DLG2: variants seen among roughly 807,000 people sequenced by gnomAD.
DLG2 encodes disks large homolog 2.
A neutral mutation model predicts 132.5 loss-of-function variants in DLG2; 45 were observed. The ratio of observed to expected loss-of-function variants is 0.34; its 90% CI spans 0.27 to 0.44. The LOEUF is 0.44. Among genes scored for constraint, DLG2 ranks in the 20% least tolerant of loss-of-function variants. The pLI is 1.00. For synonymous variants in DLG2, 424 were observed against 419.6 expected (o/e 1.01, Z -0.13); for missense variants, 1,045 against 1,196.9 (o/e 0.87, Z 1.87).
chr11:84,313,203 C>T (rs116552792), intron 7 of DLG2, among the ~76,000 whole-genome samples: 3,249 of 152,074 alleles, frequency 0.021, 63 homozygotes, highest in East Asian at 0.065. Flanking sequence ...GCAACCTCCA[C>T]TTCCTAAGTT....
At chr11:85,201,515 C>T (rs1463712893) in intron 4 of DLG2, among the ~76,000 whole-genome samples, 18 of 152,096 alleles carry the variant, frequency 1.2e-4, no homozygotes, top group South Asian at 6.2e-4. Flanking sequence ...TCAAAGCCCA[C>T]GCAAGACACA....
intron 6 of DLG2, among the ~76,000 whole-genome samples, chr11:84,635,006 CG>C (rs2099638253): frequency 1.3e-5 from 2 of 152,146 alleles, no homozygotes; most frequent in Non-Finnish European, 2.9e-5. Context: ...TAATTCAATC[CG>C]CTGGAGGAGA....
chr11:83,597,126 A>G (rs531660139), intron 19 of DLG2, among the ~76,000 whole-genome samples: 1 of 152,342 alleles, frequency 6.6e-6, no homozygotes, highest in East Asian at 1.9e-4. Flanking sequence ...TATCTATAAA[A>G]TAGGGATGGA....
chr11:84,832,844 T>C (rs940210854), intron 6 of DLG2, among the ~76,000 whole-genome samples: 6 of 151,552 alleles, frequency 4.0e-5, no homozygotes, highest in African/African-American at 7.3e-5. Context: ...ATTATATCCG[T>C]GGCATTTAAC....
chr11:84,190,969 G>A (rs999106372), intron 8 of DLG2, among the ~76,000 whole-genome samples: 9 of 152,168 alleles, frequency 5.9e-5, no homozygotes, highest in South Asian at 4.1e-4. Flanking sequence ...CATTAAGTAT[G>A]TACTGACCAA....
At chr11:83,637,206 C>G (rs147126966) in intron 18 of DLG2, among the ~76,000 whole-genome samples, 322 of 152,280 alleles carry the variant, frequency 2.1e-3, no homozygotes, top group African/African-American at 7.5e-3. Context: ...CCTAACACTA[C>G]CATATCCATT....
intron 2 of DLG2, among the ~76,000 whole-genome samples, chr11:85,617,908 C>A (rs2081448438): frequency 6.6e-6 from 1 of 152,150 alleles, no homozygotes; most frequent in Admixed American, 6.5e-5. Context: ...AAATCTTACC[C>A]ATAATCTTTG....
chr11:85,451,950 A>G (rs796391648), intron 3 of DLG2, among the ~76,000 whole-genome samples: 1 of 152,144 alleles, frequency 6.6e-6, no homozygotes. Context: ...AGGCTTTTGC[A>G]TGTTGAGTAG....
At chr11:84,972,324 G>A (rs948198063) in intron 6 of DLG2, among the ~76,000 whole-genome samples, 1 of 152,078 alleles carries the variant, frequency 6.6e-6, no homozygotes, top group African/African-American at 2.4e-5. Flanking sequence ...AAAAAAAACT[G>A]AGTCTTTTAA....
At chr11:83,704,759 G>A (rs1315083656) in intron 18 of DLG2, among the ~76,000 whole-genome samples, 5 of 152,006 alleles carry the variant, frequency 3.3e-5, no homozygotes, top group Admixed American at 2.0e-4. Context: ...CCTGGAAGGC[G>A]GAGGTGGCAG....
At chr11:84,915,262 TCCC>T (rs34293236) in intron 6 of DLG2, among the ~76,000 whole-genome samples, 3,506 of 151,510 alleles carry the variant, frequency 0.023, 99 homozygotes, top group African/African-American at 0.07. Context: ...GAATTGTATT[TCCC>T]CCCCCATTAT....
chr11:84,473,804 G>A (rs950864117), intron 7 of DLG2, among the ~76,000 whole-genome samples: 5 of 151,904 alleles, frequency 3.3e-5, no homozygotes, highest in African/African-American at 7.2e-5. Context: ...CTGGAAACAC[G>A]GAATTAACAT....
At chr11:83,511,073 A>AACACACACACACAGAC (rs1029607127) in intron 21 of DLG2, among the ~76,000 whole-genome samples, 2 of 88,410 alleles carry the variant, frequency 2.3e-5, no homozygotes, top group Admixed American at 1.0e-4. Context: ...CACTTGCTCA[A>AACACACACACACAGAC]ACACACACAC....
At chr11:85,481,137 C>A (rs150912004) in intron 3 of DLG2, among the ~76,000 whole-genome samples, 17 of 152,270 alleles carry the variant, frequency 1.1e-4, no homozygotes, top group African/African-American at 3.9e-4. Flanking sequence ...TCAGTTTTCT[C>A]ATTTGTAAAT....
chr11:84,104,062 C>T (rs2092728480), intron 9 of DLG2, among the ~76,000 whole-genome samples: 1 of 152,084 alleles, frequency 6.6e-6, no homozygotes, highest in South Asian at 2.1e-4. Flanking sequence ...TGAAAACTGA[C>T]ATCCATATCA....
chr11:85,432,548 A>G (rs187193654), intron 3 of DLG2, among the ~76,000 whole-genome samples: 2 of 152,228 alleles, frequency 1.3e-5, no homozygotes, highest in Admixed American at 6.5e-5. Context: ...ATACACAAGT[A>G]TCAGTAGCCA....
intron 6 of DLG2, among the ~76,000 whole-genome samples, chr11:84,591,798 G>A (rs1022099763): frequency 5.3e-5 from 8 of 152,070 alleles, no homozygotes; most frequent in Non-Finnish European, 4.4e-5. Flanking sequence ...GTTTGCATCC[G>A]CAATCAAATC....
Position 85,498,781 on chromosome 11 carries a change from A to T in DLG2, c.40+99876T>A, listed in dbSNP as rs116072551. ...AGAACTCAGGATTAAGTTCTAATTA[A>T]TCCTAAACTGGCTCAAATCTGCACA... On this transcript the variant is annotated intron_variant, in intron 3 of 27. Coordinates refer to ENST00000376104, the MANE Select transcript of DLG2 (RefSeq NM_001142699.3). 5.8e-3 allele frequency among the ~76,000 whole-genome samples: 885 copies of T among 151,576 alleles called. 10 individuals are homozygous for T. The highest frequency in any genetic ancestry group is 0.02 in the African/African-American group (828 of 41,498).
intron 16 of DLG2, among the ~76,000 whole-genome samples, chr11:83,859,379 G>T (rs2061062334): frequency 6.6e-6 from 1 of 152,314 alleles, no homozygotes; most frequent in East Asian, 1.9e-4. Flanking sequence ...GGCTGAGGTG[G>T]TCTCAGATGG....
Sources: gnomAD v4.1 joint callset for allele counts (sites outside exome capture counted in the v4.1 genomes callset) on GRCh38, gnomAD v4.1.1 for gene constraint, MANE v1.5 for transcripts, NCBI Gene and HGNC (gene_info 2026-07-23, HGNC 2026-07-21) for gene names.